ELMO1: variants seen among roughly 807,000 people sequenced by gnomAD.
The protein encoded by ELMO1 is engulfment and cell motility 1.
ELMO1 carries 26 observed loss-of-function variants against 98.9 expected under a neutral mutation model. The observed-to-expected ratio is 0.26, with a 90% CI of 0.19 to 0.36. The LOEUF is 0.36. ELMO1 is among the 10% of genes least tolerant of loss of function. The pLI is 1.00. For synonymous variants in ELMO1, 346 were observed against 346.0 expected (o/e 1.00, Z 0.00); for missense variants, 627 against 935.2 (o/e 0.67, Z 4.30).
intron 15 of ELMO1, among the ~76,000 whole-genome samples, chr7:37,070,241 G>C (rs898563325): frequency 7.9e-5 from 12 of 152,208 alleles, no homozygotes; most frequent in African/African-American, 2.9e-4. Flanking sequence ...TTGGATGGCA[G>C]AGGAGCCCAT....
At chr7:36,944,439 T>G (rs571051569) in intron 16 of ELMO1, among the ~76,000 whole-genome samples, 3 of 152,200 alleles carry the variant, frequency 2.0e-5, no homozygotes, top group Non-Finnish European at 4.4e-5. Flanking sequence ...TCTGCTTGAT[T>G]TCAAAGCCCA....
intron 2 of ELMO1, among the ~76,000 whole-genome samples, chr7:37,326,583 A>G (rs1280052246): frequency 6.6e-6 from 1 of 151,782 alleles, no homozygotes; most frequent in African/African-American, 2.4e-5. Context: ...ATGAAAGATG[A>G]TACTCTGCCA....
intron 13 of ELMO1, among the ~76,000 whole-genome samples, chr7:37,173,307 T>C (rs1246688831): frequency 6.6e-6 from 1 of 152,112 alleles, no homozygotes; most frequent in Non-Finnish European, 1.5e-5. Flanking sequence ...TGCTATACCA[T>C]CTTCTGGCCC....
intron 13 of ELMO1, among the ~76,000 whole-genome samples, chr7:37,185,034 G>A (rs1239208237): frequency 6.6e-6 from 1 of 152,188 alleles, no homozygotes. Flanking sequence ...TAACTAGACG[G>A]ACAAATAGAG....
At chr7:37,134,255 A>T (rs1331434388) in intron 13 of ELMO1, among the ~76,000 whole-genome samples, 1 of 152,114 alleles carries the variant, frequency 6.6e-6, no homozygotes, top group Non-Finnish European at 1.5e-5. Context: ...TAGCAATTCC[A>T]TTACTGGCTA....
At chr7:37,275,172 T>G (rs1310122437) in intron 4 of ELMO1, among the ~76,000 whole-genome samples, 1 of 152,152 alleles carries the variant, frequency 6.6e-6, no homozygotes. Context: ...AGTTCATCAG[T>G]CGCTCAACAT....
chr7:37,045,656 T>A lies in ELMO1; in HGVS notation c.1301-32221A>T, dbSNP rs536052920. ...AGGAAGAAGAGGTTTTTTAAAAAAA[T>A]ATATATTTATGCAGTGCCTCATTCC... On this transcript the variant is annotated intron_variant, in intron 15 of 21. Coordinates refer to ENST00000310758, the MANE Select transcript of ELMO1 (RefSeq NM_014800.11). 1.8e-3 allele frequency among the ~76,000 whole-genome samples: 274 copies of A among 152,274 alleles called. 3 individuals carry two copies. The highest frequency in any genetic ancestry group is 1.4e-3 in the Non-Finnish European group (97 of 68,018).
chr7:37,237,109 A>G (rs1794510758), intron 7 of ELMO1, among the ~76,000 whole-genome samples: 1 of 152,180 alleles, frequency 6.6e-6, no homozygotes, highest in African/African-American at 2.4e-5. Flanking sequence ...CAGCCAACAC[A>G]CCATGTGTGC....
At chr7:37,185,111 C>A (rs559203254) in intron 13 of ELMO1, among the ~76,000 whole-genome samples, 3 of 152,232 alleles carry the variant, frequency 2.0e-5, no homozygotes, top group East Asian at 3.9e-4. Flanking sequence ...TCTTAAAGAG[C>A]GGAGTTATTC....
At chr7:36,932,442 G>A (rs1754840053) in intron 16 of ELMO1, among the ~76,000 whole-genome samples, 1 of 152,156 alleles carries the variant, frequency 6.6e-6, no homozygotes, top group African/African-American at 2.4e-5. Flanking sequence ...GAAATGCATG[G>A]ATGAAAAAAT....
rs186705967 is a variant in ELMO1 at position 36,927,496 on chromosome 7, C to T, written c.1438-32479G>A. On this transcript the variant is annotated intron_variant, in intron 16 of 21. Coordinates refer to ENST00000310758, the MANE Select transcript of ELMO1 (RefSeq NM_014800.11). ...AACAGCAAAACCACATATAGAAATC[C>T]TTGTTTAAATTAGTGCTAGTACAGT... Among the ~76,000 whole-genome samples, 398 of 152,294 alleles carry T rather than the reference C, an allele frequency of 2.6e-3. 2 individuals are homozygous for T. The highest frequency in any genetic ancestry group is 5.0e-3 in the Non-Finnish European group (337 of 68,020).
chr7:37,407,705 T>C (rs1803831342), intron 1 of ELMO1, among the ~76,000 whole-genome samples: 1 of 152,150 alleles, frequency 6.6e-6, no homozygotes, highest in Non-Finnish European at 1.5e-5. Flanking sequence ...AGGGGATTTT[T>C]AGGACAGTAA....
At chr7:37,343,017 C>T (rs1800801855) in intron 1 of ELMO1, 3 of 279,736 alleles carry the variant, frequency 1.1e-5, no homozygotes, top group African/African-American at 2.2e-5. Flanking sequence ...GCACGGCTTG[C>T]GCGAATCTTC....
At chr7:37,438,039 T>C (rs1449602880) in intron 1 of ELMO1, among the ~76,000 whole-genome samples, 1 of 151,950 alleles carries the variant, frequency 6.6e-6, no homozygotes, top group East Asian at 1.9e-4. Flanking sequence ...ATTGCCACCA[T>C]GCTGTGTAAT....
chr7:37,023,942 T>C (rs138490710), intron 15 of ELMO1, among the ~76,000 whole-genome samples: 559 of 152,318 alleles, frequency 3.7e-3, no homozygotes, highest in African/African-American at 0.013. Flanking sequence ...CAGATGTCAA[T>C]GCAAAAACTG....
At chr7:37,226,619 C>T (rs1008857575) in intron 8 of ELMO1, among the ~76,000 whole-genome samples, 1 of 152,088 alleles carries the variant, frequency 6.6e-6, no homozygotes, top group Non-Finnish European at 1.5e-5. Context: ...AATTCATTGA[C>T]AATACTTCAG....
intron 4 of ELMO1, among the ~76,000 whole-genome samples, chr7:37,291,840 G>A (rs1456881223): frequency 2.0e-5 from 3 of 151,352 alleles, no homozygotes. Flanking sequence ...GCTTGAACCC[G>A]GGAAGTGGAG....
At chr7:37,035,402 G>T (rs1795122016) in intron 15 of ELMO1, among the ~76,000 whole-genome samples, 1 of 152,082 alleles carries the variant, frequency 6.6e-6, no homozygotes, top group Non-Finnish European at 1.5e-5. Flanking sequence ...TTTTCTAATA[G>T]CAATTCTGCA....
chr7:37,348,547 T>C (rs1389716108), intron 1 of ELMO1, among the ~76,000 whole-genome samples: 1 of 152,114 alleles, frequency 6.6e-6, no homozygotes, highest in African/African-American at 2.4e-5. Context: ...GTTGAGTGGA[T>C]TAAATAAAGA....
Sources: gnomAD v4.1 joint callset for allele counts (sites outside exome capture counted in the v4.1 genomes callset) on GRCh38, gnomAD v4.1.1 for gene constraint, MANE v1.5 for transcripts, NCBI Gene and HGNC (gene_info 2026-07-23, HGNC 2026-07-21) for gene names.